ADAMTS12: variants seen among roughly 807,000 people sequenced by gnomAD.
The protein encoded by ADAMTS12 is A disintegrin and metalloproteinase with thrombospondin motifs 12.
ADAMTS12 carries 118 observed loss-of-function variants against 167.8 expected under a neutral mutation model. The ratio of observed to expected loss-of-function variants is 0.70; its 90% CI spans 0.61 to 0.82. ADAMTS12 has a LOEUF of 0.82. ADAMTS12 is among the 40% of genes least tolerant of loss of function. The probability of loss-of-function intolerance (pLI) is 0.00; values close to 1 mark genes in which losing one functional copy is unlikely to be tolerated. For missense variants in ADAMTS12, 1,916 were observed against 1,998.8 expected (o/e 0.96, Z 0.79); for synonymous variants, 704 against 716.9 (o/e 0.98, Z 0.29).
intron 22 of ADAMTS12, among the ~76,000 whole-genome samples, chr5:33,536,607 T>TAA (rs1744422688): frequency 6.7e-6 from 1 of 149,862 alleles, no homozygotes; most frequent in African/African-American, 2.5e-5. Context: ...ATCATAGAGG[T>TAA]TACGAGTGAT....
chr5:33,886,456 C>T (rs1750641779), intron 1 of ADAMTS12, among the ~76,000 whole-genome samples: 1 of 152,212 alleles, frequency 6.6e-6, no homozygotes, highest in South Asian at 2.1e-4. Flanking sequence ...ATATAACATT[C>T]CTTGGATTGA....
chr5:33,584,562 A>C (rs1165213854), intron 18 of ADAMTS12, among the ~76,000 whole-genome samples: 2 of 152,236 alleles, frequency 1.3e-5, no homozygotes, highest in African/African-American at 4.8e-5. Context: ...GCAAAATCAG[A>C]GTAGCATGGA....
Position 33,881,564 on chromosome 5 carries a change from C to CATT in ADAMTS12, c.128-85_128-84insAAT, listed in dbSNP as rs554245793. On this transcript the variant is annotated intron_variant, in intron 1 of 23. Transcript: ENST00000504830. Reference sequence around the variant, plus strand: ...CTTTCGTTTGGAACTTGAATGCTAGCTTTTTTTTTTTTTGGAAATGGAGTT... The same window carrying CATT: ...CTTTCGTTTGGAACTTGAATGCTAGCATTTTTTTTTTTTTTTGGAAATGGAGTT... 7.3e-5 allele frequency: 91 copies of CATT among 1,254,740 alleles called. No individual in the cohort carries two copies. In the African/African-American group the frequency reaches 1.2e-3, roughly 17 times the overall value. The allele number at this position is 1,254,740 out of a possible 1,614,324, so 77.7% of individuals were successfully genotyped here.
chr5:33,883,708 G>A (rs1386111397), intron 1 of ADAMTS12, among the ~76,000 whole-genome samples: 1 of 152,152 alleles, frequency 6.6e-6, no homozygotes, highest in African/African-American at 2.4e-5. Flanking sequence ...TTTCCATGGG[G>A]AAGAATTGGA....
rs1298407384 is a variant in ADAMTS12 at position 33,631,239 on chromosome 5, C to T, written c.1889-326G>A. ...GTGCTTATAAAAATAAGGCACTGGG[C>T]ATCTGGGGTTAGCTTAGAAAATAAG... On this transcript the variant is annotated intron_variant, in intron 12 of 23. Transcript: ENST00000504830. Among the ~76,000 whole-genome samples the T allele has an allele frequency of 3.9e-5, 6 of 152,276 alleles. No homozygotes were observed. The East Asian group carries it at 1.2e-3, about 29-fold the overall frequency.
chr5:33,891,495 C>T (rs1001314134), intron 1 of ADAMTS12: 3 of 535,060 alleles, frequency 5.6e-6, no homozygotes, highest in Non-Finnish European at 9.7e-6. Flanking sequence ...CAGTGTCATC[C>T]CTGTAAAAGA....
At chr5:33,677,538 G>A (rs1024809440) in intron 5 of ADAMTS12, among the ~76,000 whole-genome samples, 6 of 152,150 alleles carry the variant, frequency 3.9e-5, no homozygotes, top group Non-Finnish European at 1.5e-5. Flanking sequence ...GACCCAAGAG[G>A]GGAGCAGGGG....
chr5:33,694,666 C>T (rs1045677283), intron 3 of ADAMTS12, among the ~76,000 whole-genome samples: 6 of 152,136 alleles, frequency 3.9e-5, no homozygotes, highest in African/African-American at 7.2e-5. Flanking sequence ...TAGAGAAGTC[C>T]GGGCCAATAT....
At chr5:33,676,665 G>A (rs1741916993) in intron 5 of ADAMTS12, among the ~76,000 whole-genome samples, 1 of 146,288 alleles carries the variant, frequency 6.8e-6, no homozygotes, top group South Asian at 2.2e-4. Context: ...GCTTGACAGA[G>A]TGAGACTCTG....
intron 18 of ADAMTS12, among the ~76,000 whole-genome samples, chr5:33,584,215 A>G (rs1196054549): frequency 2.6e-5 from 4 of 152,230 alleles, no homozygotes. Flanking sequence ...ATGTGCTAAT[A>G]CCCATAAAAG....
chr5:33,578,843 T>G (rs1018365809), intron 18 of ADAMTS12, among the ~76,000 whole-genome samples: 4 of 152,226 alleles, frequency 2.6e-5, no homozygotes, highest in Non-Finnish European at 4.4e-5. Flanking sequence ...AGTGTCGAAC[T>G]GTGTTTGGAC....
chr5:33,865,196 T>A (rs2111710217), intron 2 of ADAMTS12, among the ~76,000 whole-genome samples: 1 of 151,908 alleles, frequency 6.6e-6, no homozygotes, highest in African/African-American at 2.4e-5. Flanking sequence ...CAAACCAATA[T>A]CCCTGATGAA....
At chr5:33,847,707 T>C (rs1389713965) in intron 2 of ADAMTS12, among the ~76,000 whole-genome samples, 3 of 151,806 alleles carry the variant, frequency 2.0e-5, no homozygotes, top group African/African-American at 7.3e-5. Flanking sequence ...TGATCAAGTA[T>C]AGGATTACTT....
At chr5:33,548,286 C>T (rs530400233) in intron 21 of ADAMTS12, among the ~76,000 whole-genome samples, 2 of 152,192 alleles carry the variant, frequency 1.3e-5, no homozygotes, top group Non-Finnish European at 1.5e-5. Flanking sequence ...GATGAGCAAT[C>T]AAATCTTTCT....
chr5:33,687,279 A>G (rs971374293), intron 3 of ADAMTS12, among the ~76,000 whole-genome samples: 21 of 152,198 alleles, frequency 1.4e-4, no homozygotes, highest in Non-Finnish European at 1.9e-4. Context: ...TTCAGGTCCT[A>G]TACTAAGCAC....
intron 7 of ADAMTS12, among the ~76,000 whole-genome samples, chr5:33,652,127 C>T (rs1361092758): frequency 6.6e-6 from 1 of 152,048 alleles, no homozygotes; most frequent in Admixed American, 6.6e-5. Context: ...ATTTCTCTTC[C>T]TTTGGGTACC....
At chr5:33,828,970 G>A (rs555131341) in intron 2 of ADAMTS12, among the ~76,000 whole-genome samples, 3 of 152,296 alleles carry the variant, frequency 2.0e-5, no homozygotes, top group South Asian at 4.1e-4. Flanking sequence ...GGGATGGGGA[G>A]TGGGAGGGAA....
At position 33,749,226 on chromosome 5, in the gene ADAMTS12, T is replaced by A. The variant is rs533767182; in HGVS notation, c.634+2178A>T. ...ACTGGGGAGGGAATACCTATTCTAA[T>A]AGGGCTTGTGAGAATTATTGATGAA... On this transcript the variant is annotated intron_variant, in intron 3 of 23. Transcript: ENST00000504830. Among the ~76,000 whole-genome samples, 30 of 152,268 alleles carry A rather than the reference T, an allele frequency of 2.0e-4. 1 individual carries two copies. Among genetic ancestry groups the A allele is most frequent in the African/African-American group, 5.5e-4 (23 of 41,572 alleles).
rs774807590 is a variant in ADAMTS12, at chr5:33,624,234, A to T, written c.2140T>A (p.Ser714Thr). ...VRKMFKQKEG[S>T]GYVDIGLIPK... is the part of the protein sequence containing the mutation. ...CGATTATTTATTTGTTTATTACCAG[A>T]TCCTTCCTTCTGCTTAAACATCTTT... The change falls in exon 14 of 24, where the codon TCT (serine) becomes ACT (threonine). Residue 714 changes from serine (S) to threonine (T), a missense_variant. Coordinates refer to ENST00000504830, the MANE Select transcript of ADAMTS12 (RefSeq NM_030955.4). 5 of 1,614,044 alleles carry T rather than the reference A, an allele frequency of 3.1e-6. No individual in the cohort carries two copies. In the South Asian group the frequency reaches 5.5e-5, roughly 18 times the overall value.
Sources: allele counts gnomAD v4.1 joint callset (sites outside exome capture counted in the v4.1 genomes callset), GRCh38; gene constraint gnomAD v4.1.1; transcripts MANE v1.5; gene names NCBI Gene and HGNC (gene_info 2026-07-23, HGNC 2026-07-21).